FGGY: variants seen among roughly 807,000 people sequenced by gnomAD.
FGGY encodes FGGY carbohydrate kinase domain containing.
Under a neutral mutation model 71.3 loss-of-function variants are expected in FGGY, and 72 were observed. The ratio of observed to expected loss-of-function variants is 1.01; its 90% CI spans 0.84 to 1.23. The LOEUF is 1.23. Among genes scored for constraint, FGGY ranks in the 50% most tolerant of loss-of-function variants. The pLI, the probability that FGGY is intolerant of heterozygous loss-of-function variation, is 0.00. For synonymous variants in FGGY, 251 were observed against 250.3 expected (o/e 1.00, Z -0.02); for missense variants, 668 against 682.3 (o/e 0.98, Z 0.23).
chr1:59,361,311 G>C (rs2055465738), intron 4 of FGGY, among the ~76,000 whole-genome samples: 2 of 152,184 alleles, frequency 1.3e-5, no homozygotes, highest in Non-Finnish European at 2.9e-5. Flanking sequence ...ATTCTAGAAA[G>C]GAGATAAGAG....
intron 7 of FGGY, among the ~76,000 whole-genome samples, chr1:59,527,020 A>G (rs756262507): frequency 1.3e-5 from 2 of 152,244 alleles, no homozygotes; most frequent in African/African-American, 4.8e-5. Flanking sequence ...ATTCCCAGCC[A>G]AAGAGATTGA....
chr1:59,480,933 G>T (rs1360883355), intron 6 of FGGY, among the ~76,000 whole-genome samples: 1 of 151,690 alleles, frequency 6.6e-6, no homozygotes, highest in Non-Finnish European at 1.5e-5. Flanking sequence ...TGGTCTACTG[G>T]GTATAGACAA....
At chr1:59,633,042 G>A (rs934340490) in intron 10 of FGGY, among the ~76,000 whole-genome samples, 10 of 136,550 alleles carry the variant, frequency 7.3e-5, no homozygotes, top group South Asian at 2.2e-4. Flanking sequence ...ACGGAGTCTC[G>A]CACTTTCACC....
intron 14 of FGGY, among the ~76,000 whole-genome samples, chr1:59,748,931 C>T (rs948544945): frequency 3.3e-5 from 5 of 152,146 alleles, no homozygotes; most frequent in Admixed American, 3.3e-4. Context: ...CAGCCCCTCC[C>T]CTGACCTTCC....
At chr1:59,472,196 T>C (rs1488191665) in intron 6 of FGGY, among the ~76,000 whole-genome samples, 2 of 152,132 alleles carry the variant, frequency 1.3e-5, no homozygotes, top group Non-Finnish European at 2.9e-5. Flanking sequence ...CGGGTGGGTG[T>C]GGGCTCGGCG....
intron 5 of FGGY, among the ~76,000 whole-genome samples, chr1:59,401,292 C>T (rs1002555163): frequency 6.6e-6 from 1 of 151,992 alleles, no homozygotes; most frequent in Non-Finnish European, 1.5e-5. Context: ...GTTTTTTCAC[C>T]CTAGATTAGA....
At chr1:59,472,141 C>T (rs1200448109) in intron 6 of FGGY, among the ~76,000 whole-genome samples, 2 of 152,130 alleles carry the variant, frequency 1.3e-5, no homozygotes, top group African/African-American at 4.8e-5. Flanking sequence ...GAGGCGCGGG[C>T]GGGAACCGGG....
intron 8 of FGGY, among the ~76,000 whole-genome samples, chr1:59,561,523 A>G (rs923272338): frequency 1.3e-5 from 2 of 152,224 alleles, no homozygotes; most frequent in Non-Finnish European, 2.9e-5. Flanking sequence ...TGGACTGAGT[A>G]TGTTTAATAT....
At chr1:59,420,353 C>G (rs537080295) in intron 5 of FGGY, among the ~76,000 whole-genome samples, 1 of 152,268 alleles carries the variant, frequency 6.6e-6, no homozygotes, top group African/African-American at 2.4e-5. Context: ...AAGACTGACC[C>G]TTGACAAGAC....
chr1:59,719,961 C>T (rs2097874685), intron 14 of FGGY, among the ~76,000 whole-genome samples: 1 of 152,092 alleles, frequency 6.6e-6, no homozygotes, highest in Admixed American at 6.6e-5. Flanking sequence ...CAATTTACTC[C>T]CATGTAGTAG....
At chr1:59,760,329 CTG>C (rs2098331010) in intron 15 of FGGY, among the ~76,000 whole-genome samples, 2 of 152,184 alleles carry the variant, frequency 1.3e-5, no homozygotes, top group African/African-American at 4.8e-5. Flanking sequence ...ATTGGAAGCT[CTG>C]TGCATAGTTG....
At chr1:59,299,680 C>T (rs981714825) in intron 1 of FGGY, among the ~76,000 whole-genome samples, 4 of 148,266 alleles carry the variant, frequency 2.7e-5, no homozygotes, top group Non-Finnish European at 4.4e-5. Flanking sequence ...CAATGGTGAG[C>T]GCACACCTGG....
At chr1:59,732,049 C>T (rs866824194) in intron 14 of FGGY, among the ~76,000 whole-genome samples, 1 of 152,162 alleles carries the variant, frequency 6.6e-6, no homozygotes, top group Admixed American at 6.5e-5. Flanking sequence ...ATACCAGTCC[C>T]GTCATCATCC....
intron 8 of FGGY, among the ~76,000 whole-genome samples, chr1:59,574,178 A>C (rs978618923): frequency 5.3e-5 from 8 of 152,236 alleles, no homozygotes; most frequent in African/African-American, 1.7e-4. Context: ...ATCAAGTGTC[A>C]ACAGGGCCGT....
Position 59,321,585 on chromosome 1 carries a change from T to C in FGGY, c.36T>C (p.Tyr12=), listed in dbSNP as rs2046391532. ...SGGEQKPERY[Y]VGVDVGTGSV... is the part of the protein sequence containing the mutation. ...GAGAACAGAAACCAGAGAGGTACTATGTGGGTGTGGACGTTGGAACAGGCA... is the reference window on the plus strand; with the variant it reads ...GAGAACAGAAACCAGAGAGGTACTACGTGGGTGTGGACGTTGGAACAGGCA... The change falls in exon 2 of 16, where the codon TAT becomes TAC. Residue 12 remains tyrosine (Y), a synonymous_variant. Coordinates refer to ENST00000303721, the MANE Select transcript of FGGY (RefSeq NM_018291.5). 6.2e-7 allele frequency: 1 copy of C among 1,613,842 alleles called. No homozygotes were observed. Among genetic ancestry groups the C allele is most frequent in the African/African-American group, 1.3e-5 (1 of 74,928 alleles).
chr1:59,387,420 T>C (rs984894410), intron 5 of FGGY, among the ~76,000 whole-genome samples: 3 of 152,190 alleles, frequency 2.0e-5, no homozygotes, highest in Non-Finnish European at 4.4e-5. Context: ...TTTTTGATTA[T>C]TGAATGCAAT....
Position 59,667,372 on chromosome 1 carries a change from C to G in FGGY, c.1386C>G (p.Pro462=), listed in dbSNP as rs755883500. 7.4e-6 allele frequency: 12 copies of G among 1,614,104 alleles called. No homozygotes were observed. The highest frequency in any genetic ancestry group is 1.0e-5 in the Non-Finnish European group (12 of 1,180,010). The change falls in exon 13 of 16, where the codon CCC becomes CCG. Residue 462 remains proline (P), a synonymous_variant. Transcript: ENST00000303721. Reference sequence around the variant, plus strand: ...TATGTGGAGGCCTCAGCAAGAATCCCCTTTTTGTGCAAATGCATGCGGACA... The same window carrying G: ...TATGTGGAGGCCTCAGCAAGAATCCGCTTTTTGTGCAAATGCATGCGGACA... ...LFLCGGLSKN[P]LFVQMHADIT... is the part of the protein sequence containing the mutation.
chr1:59,411,976 G>T (rs895001137), intron 5 of FGGY, among the ~76,000 whole-genome samples: 3 of 152,102 alleles, frequency 2.0e-5, no homozygotes, highest in Non-Finnish European at 2.9e-5. Flanking sequence ...ACTCTCCCCA[G>T]TGCACTGACA....
rs1015047058 is a variant in FGGY at position 59,713,689 on chromosome 1, T to G, written c.1512+39556T>G. ...TAATCAAATAAAAAGCTGACAATTA[T>G]GTTGTAGATCTCCAAAAAGTTTGAA... On this transcript the variant is annotated intron_variant, in intron 14 of 15. Transcript: ENST00000303721. Among the ~76,000 whole-genome samples, 3 of 152,200 alleles carry G rather than the reference T, an allele frequency of 2.0e-5. No individual in the cohort carries two copies. The East Asian group carries it at 5.8e-4, about 29-fold the overall frequency.
Sources: gnomAD v4.1 joint callset for allele counts (sites outside exome capture counted in the v4.1 genomes callset) on GRCh38, gnomAD v4.1.1 for gene constraint, MANE v1.5 for transcripts, NCBI Gene and HGNC (gene_info 2026-07-23, HGNC 2026-07-21) for gene names.